The following LRRC7 variants were observed in gnomAD, a reference collection of about 807,000 sequenced individuals.
LRRC7 encodes the protein leucine rich repeat containing 7.
In LRRC7, 23 loss-of-function variants were observed where a neutral mutation model predicts 175.7. That is an observed-to-expected ratio of 0.13 (90% CI 0.09 to 0.19). The LOEUF (loss-of-function observed/expected upper bound fraction) is 0.19, where lower values mean the gene tolerates loss of function less well. LRRC7 is among the 10% of genes least tolerant of loss of function. LRRC7 has a pLI of 1.00. For synonymous variants in LRRC7, 685 were observed against 680.9 expected (o/e 1.01, Z -0.09); for missense variants, 1,354 against 1,904.7 (o/e 0.71, Z 5.38).
intron 25 of LRRC7, among the ~76,000 whole-genome samples, chr1:70,091,854 C>T (rs1450559441): frequency 1.3e-5 from 2 of 152,156 alleles, no homozygotes; most frequent in African/African-American, 4.8e-5. Flanking sequence ...TGGCTGATTA[C>T]ACTCTAAAAT....
intron 8 of LRRC7, among the ~76,000 whole-genome samples, chr1:69,936,690 A>G (rs1226885271): frequency 6.6e-6 from 1 of 152,098 alleles, no homozygotes; most frequent in Non-Finnish European, 1.5e-5. Context: ...AGTACCTGAC[A>G]GGTAGTTTTT....
At chr1:69,890,545 T>C (rs1645803539) in intron 7 of LRRC7, among the ~76,000 whole-genome samples, 1 of 152,240 alleles carries the variant, frequency 6.6e-6, no homozygotes, top group East Asian at 1.9e-4. Context: ...AAATGAGCAT[T>C]GGCTTTAACT....
At chr1:69,814,586 T>C (rs7556220) in intron 4 of LRRC7, among the ~76,000 whole-genome samples, 8,567 of 152,218 alleles carry the variant, frequency 0.056, 479 homozygotes, top group African/African-American at 0.14. Flanking sequence ...AAATGCTCAG[T>C]TAAGTGACAA....
intron 3 of LRRC7, among the ~76,000 whole-genome samples, chr1:69,770,869 T>G (rs1315317498): frequency 6.6e-6 from 1 of 152,190 alleles, no homozygotes; most frequent in Non-Finnish European, 1.5e-5. Flanking sequence ...TGTCTCACTT[T>G]CTCACCAATG....
At chr1:69,720,855 TCATAA>T (rs1666269602) in intron 2 of LRRC7, among the ~76,000 whole-genome samples, 1 of 151,782 alleles carries the variant, frequency 6.6e-6, no homozygotes, top group Non-Finnish European at 1.5e-5. Flanking sequence ...GATAAAATAC[TCATAA>T]CATAAAAGTT....
chr1:69,877,499 G>A (rs1686149312), intron 7 of LRRC7, among the ~76,000 whole-genome samples: 1 of 152,026 alleles, frequency 6.6e-6, no homozygotes, highest in African/African-American at 2.4e-5. Flanking sequence ...CAGTTTTATT[G>A]AGGTGTGTGA....
intron 2 of LRRC7, among the ~76,000 whole-genome samples, chr1:69,705,126 C>T (rs564916638): frequency 4.0e-4 from 61 of 152,240 alleles, no homozygotes; most frequent in African/African-American, 1.4e-3. Flanking sequence ...CCCACTTCTT[C>T]TTACACAACC....
intron 26 of LRRC7, among the ~76,000 whole-genome samples, chr1:70,109,978 T>G (rs1231861567): frequency 1.3e-5 from 2 of 152,222 alleles, no homozygotes; most frequent in African/African-American, 4.8e-5. Flanking sequence ...AGTTCCTTCC[T>G]CCATGACAGA....
In LRRC7 at chr1:69,989,832, C is replaced by T. The variant is rs190410740; in HGVS notation, c.931+3446C>T. ...GATAAATATAATAAATTTGCACTGGCTCATTGTTCTGAAACTGCAAGGACA... is the reference window on the plus strand; with the variant it reads ...GATAAATATAATAAATTTGCACTGGTTCATTGTTCTGAAACTGCAAGGACA... On this transcript the variant is annotated intron_variant, in intron 10 of 26. Coordinates refer to ENST00000651989, the MANE Select transcript of LRRC7 (RefSeq NM_001370785.2). Among the ~76,000 whole-genome samples the T allele has an allele frequency of 1.4e-3, 219 of 152,200 alleles. 1 individual carries two copies. The highest frequency in any genetic ancestry group is 1.2e-3 in the Non-Finnish European group (80 of 67,960).
At chr1:69,864,738 G>C (rs945642869) in intron 7 of LRRC7, among the ~76,000 whole-genome samples, 2 of 152,150 alleles carry the variant, frequency 1.3e-5, no homozygotes, top group African/African-American at 4.8e-5. Flanking sequence ...AACTGAAGAA[G>C]AAAATTCATG....
intron 4 of LRRC7, among the ~76,000 whole-genome samples, chr1:69,819,489 T>C (rs1017461594): frequency 2.0e-5 from 3 of 151,942 alleles, no homozygotes; most frequent in Non-Finnish European, 2.9e-5. Context: ...TTGCATATAA[T>C]CTTCCTGCAG....
intron 8 of LRRC7, among the ~76,000 whole-genome samples, chr1:69,976,088 G>T (rs546455186): frequency 6.6e-6 from 1 of 151,872 alleles, no homozygotes; most frequent in African/African-American, 2.4e-5. Context: ...TTTATCTTCA[G>T]CTCACTGTAA....
intron 2 of LRRC7, among the ~76,000 whole-genome samples, chr1:69,707,237 C>A (rs1454420419): frequency 6.6e-6 from 1 of 152,178 alleles, no homozygotes; most frequent in African/African-American, 2.4e-5. Context: ...TGAGAACAGT[C>A]TTTCGGCTTG....
chr1:69,878,564 G>C (rs915794306), intron 7 of LRRC7, among the ~76,000 whole-genome samples: 4 of 151,984 alleles, frequency 2.6e-5, no homozygotes, highest in African/African-American at 7.2e-5. Context: ...GAGAAGACAA[G>C]GCTTCTGGCA....
intron 7 of LRRC7, among the ~76,000 whole-genome samples, chr1:69,910,501 G>A (rs1167360455): frequency 1.3e-5 from 2 of 152,084 alleles, no homozygotes; most frequent in African/African-American, 2.4e-5. Flanking sequence ...GAACAGCGGT[G>A]GCTGTAGAAC....
intron 23 of LRRC7, among the ~76,000 whole-genome samples, chr1:70,073,913 G>A (rs369250691): frequency 7.5e-4 from 114 of 152,274 alleles, no homozygotes; most frequent in African/African-American, 2.6e-3. Flanking sequence ...AGAATACAGC[G>A]GCACAGGCCA....
intron 23 of LRRC7, among the ~76,000 whole-genome samples, chr1:70,059,815 C>T (rs1201360125): frequency 6.6e-6 from 1 of 152,032 alleles, no homozygotes; most frequent in Admixed American, 6.6e-5. Flanking sequence ...ATAACTGGAT[C>T]AAATTCCTAC....
At chr1:69,963,030 C>T (rs944312789) in intron 8 of LRRC7, among the ~76,000 whole-genome samples, 2 of 151,822 alleles carry the variant, frequency 1.3e-5, no homozygotes, top group Non-Finnish European at 2.9e-5. Flanking sequence ...AAGGGTCAGG[C>T]GCGGTGGCTC....
intron 17 of LRRC7, among the ~76,000 whole-genome samples, chr1:70,023,903 A>G (rs1425039775): frequency 6.6e-6 from 1 of 152,050 alleles, no homozygotes; most frequent in Non-Finnish European, 1.5e-5. Flanking sequence ...AATCGTATGA[A>G]TTCCTGTAAG....
Sources: allele counts gnomAD v4.1 joint callset (sites outside exome capture counted in the v4.1 genomes callset), GRCh38; gene constraint gnomAD v4.1.1; transcripts MANE v1.5; gene names NCBI Gene and HGNC (gene_info 2026-07-23, HGNC 2026-07-21).